Variants in RALGAPA1 observed in about 807,000 individuals in gnomAD.
RALGAPA1 encodes the protein Ral GTPase activating protein catalytic subunit alpha 1, also known as ral GTPase-activating protein subunit alpha-1.
A neutral mutation model predicts 269.6 loss-of-function variants in RALGAPA1; 52 were observed. That is an observed-to-expected ratio of 0.19 (90% CI 0.15 to 0.24). The LOEUF is 0.24. Among genes scored for constraint, RALGAPA1 ranks in the 10% least tolerant of loss-of-function variants. RALGAPA1 has a pLI of 1.00. For synonymous variants in RALGAPA1, 817 were observed against 1,008.3 expected (o/e 0.81, Z 3.60); for missense variants, 1,917 against 3,013.9 (o/e 0.64, Z 8.52).
rs1028694099 is a variant in RALGAPA1, at chr14:35,645,732, A to C, written c.5676+6073T>G. Among the ~76,000 whole-genome samples the C allele has an allele frequency of 1.9e-4, 25 of 129,570 alleles. No homozygotes were observed. The East Asian group carries it at 4.5e-3, about 23-fold the overall frequency. The allele number at this position is 129,570 out of a possible 152,430, so 85.0% of individuals were successfully genotyped here. On this transcript the variant is annotated intron_variant, in intron 31 of 41. Transcript: ENST00000680220. Reference sequence around the variant, plus strand: ...GCGACAGAGCGAGACTCCATCTCCAAAAAAAAAAAAAAAAAAGATATCCCA... The same window carrying C: ...GCGACAGAGCGAGACTCCATCTCCACAAAAAAAAAAAAAAAAGATATCCCA...
rs984898362 is a variant in RALGAPA1, at chr14:35,688,586, A to G, written c.3825T>C (p.Thr1275=). 21 of 1,535,862 alleles carry G rather than the reference A, an allele frequency of 1.4e-5. No individual in the cohort carries two copies. In the African/African-American group the frequency reaches 2.3e-4, roughly 17 times the overall value. ...QQGSLGGVYK[T]VVHALSKPKA... is the part of the protein sequence containing the mutation. ...TCGGCTTCGAAAGAGCATGTACAACAGTTTTATAAACGCCACCCAGGGAGC... is the reference window on the plus strand; with the variant it reads ...TCGGCTTCGAAAGAGCATGTACAACGGTTTTATAAACGCCACCCAGGGAGC... Residue 1275 remains threonine, a synonymous_variant, in exon 18 of 42, where the codon ACT becomes ACC. Coordinates refer to ENST00000680220, the MANE Select transcript of RALGAPA1 (RefSeq NM_001346249.2).
chr14:35,631,144 G>GGCTA (rs1274117688), intron 33 of RALGAPA1, among the ~76,000 whole-genome samples: 3 of 152,002 alleles, frequency 2.0e-5, no homozygotes, highest in African/African-American at 7.2e-5. Context: ...CACTATAAGG[G>GGCTA]GATAATCTAG....
At chr14:35,772,057 C>T (rs1474651416) in intron 3 of RALGAPA1, among the ~76,000 whole-genome samples, 2 of 151,892 alleles carry the variant, frequency 1.3e-5, no homozygotes, top group Non-Finnish European at 2.9e-5. Flanking sequence ...GGTATGAGAG[C>T]AAATTTTTTT....
At chr14:35,761,915 C>A (rs925497653) in intron 5 of RALGAPA1, among the ~76,000 whole-genome samples, 1 of 152,082 alleles carries the variant, frequency 6.6e-6, no homozygotes, top group African/African-American at 2.4e-5. Flanking sequence ...AGCCATGATG[C>A]CAAAAGCACC....
intron 12 of RALGAPA1, among the ~76,000 whole-genome samples, chr14:35,737,621 T>C (rs2071123533): frequency 6.6e-6 from 1 of 151,062 alleles, no homozygotes; most frequent in African/African-American, 2.4e-5. Context: ...TAGCCAGGCG[T>C]GGTGGCGGGC....
At position 35,713,503 on chromosome 14, in the gene RALGAPA1, T is replaced by G. The variant is rs372883440; in HGVS notation, c.2266+8185A>C. Among the ~76,000 whole-genome samples, 12 of 152,334 alleles carry G rather than the reference T, an allele frequency of 7.9e-5. No individual in the cohort carries two copies. The South Asian group carries it at 8.3e-4, about 11-fold the overall frequency. ...GTACTCAACATTTCCAAATTAATTC[T>G]AAAAACAGTTTTATTAGGTTACTCC... On this transcript the variant is annotated intron_variant, in intron 16 of 41. Transcript: ENST00000680220.
At chr14:35,719,137 T>C (rs10143730) in intron 16 of RALGAPA1, among the ~76,000 whole-genome samples, 13,456 of 152,156 alleles carry the variant, frequency 0.088, 950 homozygotes, top group East Asian at 0.37. Flanking sequence ...AAGACAAGCC[T>C]GGCCAACAGG....
intron 41 of RALGAPA1, among the ~76,000 whole-genome samples, chr14:35,544,715 T>C (rs1425005233): frequency 1.3e-5 from 2 of 152,154 alleles, no homozygotes; most frequent in Non-Finnish European, 2.9e-5. Flanking sequence ...TTCAGGCTAA[T>C]CTAATGATAA....
At chr14:35,729,295 T>C (rs1045900607) in intron 12 of RALGAPA1, among the ~76,000 whole-genome samples, 6 of 152,148 alleles carry the variant, frequency 3.9e-5, no homozygotes, top group Non-Finnish European at 8.8e-5. Context: ...TGATTATCAC[T>C]ATGTATGCAG....
chr14:35,786,444 G>A (rs2075801291), intron 1 of RALGAPA1, among the ~76,000 whole-genome samples: 1 of 151,890 alleles, frequency 6.6e-6, no homozygotes, highest in South Asian at 2.1e-4. Flanking sequence ...TCAGAAGATC[G>A]AGACCATCCC....
chr14:35,710,208 C>A (rs2068181916), intron 16 of RALGAPA1, among the ~76,000 whole-genome samples: 1 of 152,204 alleles, frequency 6.6e-6, no homozygotes, highest in Non-Finnish European at 1.5e-5. Flanking sequence ...TATTTTGATA[C>A]CCTGTTGTTA....
chr14:35,615,228 G>A (rs961731722), intron 35 of RALGAPA1, among the ~76,000 whole-genome samples: 17 of 152,096 alleles, frequency 1.1e-4, no homozygotes, highest in Admixed American at 7.9e-4. Context: ...AGTGACATCT[G>A]TCAAGTTTTA....
intron 22 of RALGAPA1, chr14:35,677,593 G>A (rs990035553): frequency 6.8e-5 from 13 of 192,358 alleles, no homozygotes; most frequent in East Asian, 5.4e-4. Flanking sequence ...ATGTTACTAC[G>A]TTCTCCTGTG....
At chr14:35,561,410 A>C (rs984443881) in intron 39 of RALGAPA1, among the ~76,000 whole-genome samples, 4 of 151,912 alleles carry the variant, frequency 2.6e-5, no homozygotes, top group Admixed American at 2.0e-4. Context: ...CACAGACTAC[A>C]AAGACTACAA....
chr14:35,719,606 C>G (rs933363325), intron 16 of RALGAPA1, among the ~76,000 whole-genome samples: 1 of 151,060 alleles, frequency 6.6e-6, no homozygotes, highest in Non-Finnish European at 1.5e-5. Context: ...TCTCATTAGA[C>G]AGCTAATGGG....
chr14:35,619,247 C>T (rs533474119), intron 35 of RALGAPA1, among the ~76,000 whole-genome samples: 18 of 152,026 alleles, frequency 1.2e-4, no homozygotes, highest in Non-Finnish European at 2.4e-4. Flanking sequence ...AAGAGTACAA[C>T]TAGAATGTAA....
At chr14:35,617,684 C>A (rs2060350265) in intron 35 of RALGAPA1, among the ~76,000 whole-genome samples, 9 of 130,666 alleles carry the variant, frequency 6.9e-5, no homozygotes, top group East Asian at 5.0e-4. Flanking sequence ...AAGATTATTT[C>A]ATTGTTAAAT....
At chr14:35,636,201 C>T (rs2061655171) in intron 31 of RALGAPA1, among the ~76,000 whole-genome samples, 1 of 152,038 alleles carries the variant, frequency 6.6e-6, no homozygotes. Context: ...TGCACACCAT[C>T]ATGCCTGGAT....
intron 1 of RALGAPA1, among the ~76,000 whole-genome samples, chr14:35,798,151 G>A (rs74600996): frequency 0.011 from 1,659 of 150,966 alleles, 37 homozygotes; most frequent in African/African-American, 0.038. Context: ...GGGATTACAG[G>A]TGCGAGCTAA....
Sources: allele counts gnomAD v4.1 joint callset (sites outside exome capture counted in the v4.1 genomes callset), GRCh38; gene constraint gnomAD v4.1.1; transcripts MANE v1.5; gene names NCBI Gene and HGNC (gene_info 2026-07-23, HGNC 2026-07-21).